IL19: variants seen among roughly 807,000 people sequenced by gnomAD.
The protein encoded by IL19 is interleukin 19.
IL19 carries 15 observed loss-of-function variants against 19.5 expected under a neutral mutation model. The observed-to-expected ratio is 0.77, with a 90% CI of 0.52 to 1.19. The LOEUF is 1.19. Ranked by LOEUF, IL19 falls within the 50% of genes most tolerant of loss-of-function variation. The probability of loss-of-function intolerance (pLI) is 0.00; values close to 1 mark genes in which losing one functional copy is unlikely to be tolerated. For missense variants in IL19, 199 were observed against 213.1 expected (o/e 0.93, Z 0.41); for synonymous variants, 78 against 78.3 (o/e 1.00, Z 0.02).
intron 1 of IL19, among the ~76,000 whole-genome samples, chr1:206,779,856 CTT>C (rs386369445): frequency 1.4e-5 from 2 of 145,492 alleles, no homozygotes; most frequent in Non-Finnish European, 3.0e-5. Context: ...CTCTCTCTCT[CTT>C]TTTTTTTTTT....
At chr1:206,822,971 C>T (rs1035450479) in intron 2 of IL19, among the ~76,000 whole-genome samples, 3 of 151,978 alleles carry the variant, frequency 2.0e-5, no homozygotes, top group Non-Finnish European at 4.4e-5. Context: ...ACTCTGTTGC[C>T]TGGGCTGGAG....
At chr1:206,820,794 CT>C (rs1391619810) in intron 2 of IL19, among the ~76,000 whole-genome samples, 2 of 152,228 alleles carry the variant, frequency 1.3e-5, no homozygotes, top group African/African-American at 4.8e-5. Flanking sequence ...TTTCTCATGG[CT>C]TCCTGCCGCC....
intron 2 of IL19, among the ~76,000 whole-genome samples, chr1:206,806,165 C>A (rs897350395): frequency 6.6e-6 from 1 of 152,152 alleles, no homozygotes; most frequent in Non-Finnish European, 1.5e-5. Context: ...AATTGAGAAG[C>A]GTTGTTGCCT....
chr1:206,818,103 C>A (rs932302323), intron 2 of IL19, among the ~76,000 whole-genome samples: 2 of 152,148 alleles, frequency 1.3e-5, no homozygotes, highest in African/African-American at 4.8e-5. Flanking sequence ...TCTCAATAAT[C>A]CATAGAATAA....
chr1:206,782,295 C>G (rs1248265437), intron 1 of IL19, among the ~76,000 whole-genome samples: 1 of 152,058 alleles, frequency 6.6e-6, no homozygotes, highest in Non-Finnish European at 1.5e-5. Context: ...GCAGGATCCT[C>G]ACAACTGCTC....
chr1:206,815,453 C>A (rs1481009895), intron 2 of IL19, among the ~76,000 whole-genome samples: 1 of 152,146 alleles, frequency 6.6e-6, no homozygotes, highest in Non-Finnish European at 1.5e-5. Context: ...TCCTAATAGG[C>A]CAAGTTAACT....
At chr1:206,828,255 G>A (rs1361083924) in intron 2 of IL19, among the ~76,000 whole-genome samples, 3 of 152,286 alleles carry the variant, frequency 2.0e-5, no homozygotes, top group Admixed American at 1.3e-4. Flanking sequence ...CAGAGATAAC[G>A]TCAATGAGCA....
intron 1 of IL19, among the ~76,000 whole-genome samples, chr1:206,796,087 C>G (rs942229587): frequency 2.6e-5 from 4 of 151,974 alleles, no homozygotes; most frequent in African/African-American, 9.7e-5. Context: ...GTTGGAGAGT[C>G]CCATGGTCTA....
At chr1:206,775,293 C>G (rs1383931964) in intron 1 of IL19, among the ~76,000 whole-genome samples, 1 of 152,056 alleles carries the variant, frequency 6.6e-6, no homozygotes, top group African/African-American at 2.4e-5. Context: ...ACCTTATGAT[C>G]CGCCCGCCTT....
intron 1 of IL19, among the ~76,000 whole-genome samples, chr1:206,798,443 C>T (rs551802671): frequency 3.9e-5 from 6 of 152,266 alleles, no homozygotes; most frequent in African/African-American, 1.2e-4. Context: ...ATTTTAAGCG[C>T]CCACCTTCCC....
chr1:206,796,966 C>A (rs1214121848), intron 1 of IL19, among the ~76,000 whole-genome samples: 1 of 152,176 alleles, frequency 6.6e-6, no homozygotes, highest in Non-Finnish European at 1.5e-5. Flanking sequence ...ATGTTCACAG[C>A]CCAGTAAATG....
At chr1:206,823,397 C>CA (rs1461119688) in intron 2 of IL19, among the ~76,000 whole-genome samples, 19 of 151,198 alleles carry the variant, frequency 1.3e-4, no homozygotes, top group South Asian at 2.1e-4. Flanking sequence ...ACTAAAAATA[C>CA]AAAAAAAATT....
intron 2 of IL19, among the ~76,000 whole-genome samples, chr1:206,830,542 T>C (rs1190763248): frequency 6.6e-6 from 1 of 150,986 alleles, no homozygotes; most frequent in African/African-American, 2.4e-5. Flanking sequence ...CCCTATTAGC[T>C]TCCCAAATAA....
chr1:206,772,774 A>G (rs541633893), intron 1 of IL19, among the ~76,000 whole-genome samples: 3 of 152,242 alleles, frequency 2.0e-5, no homozygotes, highest in Non-Finnish European at 2.9e-5. Context: ...TCCTGGGGAG[A>G]ACAGCTGTTC....
chr1:206,839,790 C>G (rs998440219), intron 4 of IL19, 60 bp from the exon 5 acceptor site: 3 of 1,476,336 alleles, frequency 2.0e-6, no homozygotes, highest in Non-Finnish European at 2.8e-6. Flanking sequence ...AATGGACTGC[C>G]CTGGTCTCCA....
chr1:206,777,863 C>T (rs1417254111), intron 1 of IL19, among the ~76,000 whole-genome samples: 1 of 152,248 alleles, frequency 6.6e-6, no homozygotes, highest in Non-Finnish European at 1.5e-5. Context: ...AGTATTCCCT[C>T]GAATAAGCTT....
At chr1:206,829,959 G>C (rs1024630443) in intron 2 of IL19, among the ~76,000 whole-genome samples, 1 of 152,236 alleles carries the variant, frequency 6.6e-6, no homozygotes, top group African/African-American at 2.4e-5. Context: ...CAGGAGCACA[G>C]GTGTGGCCAG....
intron 5 of IL19, chr1:206,840,312 T>A: frequency 6.4e-6 from 3 of 470,386 alleles, no homozygotes; most frequent in South Asian, 5.8e-5. Flanking sequence ...TACCCCTGGT[T>A]TCTTTATTTC....
intron 2 of IL19, among the ~76,000 whole-genome samples, chr1:206,802,666 AT>A (rs66469360): frequency 0.019 from 2,787 of 148,894 alleles, 62 homozygotes; most frequent in African/African-American, 0.063. Context: ...CAAATTTTCA[AT>A]TTTTTTTTTC....
Sources: allele counts gnomAD v4.1 joint callset (sites outside exome capture counted in the v4.1 genomes callset), GRCh38; gene constraint gnomAD v4.1.1; transcripts MANE v1.5; gene names NCBI Gene and HGNC (gene_info 2026-07-23, HGNC 2026-07-21).